Variants in STK32C observed in about 807,000 individuals in gnomAD.
STK32C encodes the protein serine/threonine-protein kinase 32C.
Under a neutral mutation model 56.5 loss-of-function variants are expected in STK32C, and 31 were observed. That is an observed-to-expected ratio of 0.55 (90% CI 0.41 to 0.74). STK32C has a LOEUF of 0.74. Among genes scored for constraint, STK32C ranks in the 30% least tolerant of loss-of-function variants. The pLI is 0.00. For synonymous variants in STK32C, 309 were observed against 289.4 expected (o/e 1.07, Z -0.69); for missense variants, 544 against 676.9 (o/e 0.80, Z 2.18).
intron 1 of STK32C, among the ~76,000 whole-genome samples, chr10:132,325,395 T>C (rs1203614302): frequency 6.6e-6 from 1 of 151,752 alleles, no homozygotes. Flanking sequence ...TACTAAAAAA[T>C]ACAAAAAATT....
At position 132,307,462 on chromosome 10, in the gene STK32C, C is replaced by T; in HGVS notation, c.262+110G>A. On this transcript the variant is annotated intron_variant, in intron 1 of 11. Coordinates refer to ENST00000298630, the MANE Select transcript of STK32C (RefSeq NM_173575.4). This position sits in a 1 kb window ranked among gnomAD's most constrained non-coding sequence, Gnocchi z 4.4. ...AGCTTCTCCGGAAGCCGGGGCGCCC[C>T]GGGAAGCCGTCCCGGACACCGGGGG... 2 of 1,255,582 alleles carry T rather than the reference C, an allele frequency of 1.6e-6. No homozygotes were observed. Among genetic ancestry groups the T allele is most frequent in the Non-Finnish European group, 2.1e-6 (2 of 966,402 alleles). 77.8% of individuals were successfully genotyped at this position (1,255,582 alleles called of 1,614,324 possible).
At chr10:132,273,479 G>A (rs1236584410) in intron 1 of STK32C, among the ~76,000 whole-genome samples, 1 of 150,788 alleles carries the variant, frequency 6.6e-6, no homozygotes, top group African/African-American at 2.4e-5. Flanking sequence ...TGAATGGTGA[G>A]TGAGTGAACG....
At chr10:132,216,850 G>A (rs1224784323) in intron 10 of STK32C, among the ~76,000 whole-genome samples, 2 of 152,228 alleles carry the variant, frequency 1.3e-5, no homozygotes, top group Non-Finnish European at 2.9e-5. Flanking sequence ...TGAGGTTTGG[G>A]AGCCTCTGCC....
rs571209878 is a variant in STK32C at position 132,264,819 on chromosome 10, G to A, written c.263-18864C>T. 1.3e-4 allele frequency among the ~76,000 whole-genome samples: 20 copies of A among 152,330 alleles called. No individual in the cohort carries two copies. In the East Asian group the frequency reaches 3.7e-3, roughly 28 times the overall value. On this transcript the variant is annotated intron_variant, in intron 1 of 11. Coordinates refer to ENST00000298630, the MANE Select transcript of STK32C (RefSeq NM_173575.4). ...GGTGGGAGGTGGGGGCGGGACAGTC[G>A]CTCATGGCAGTTTTCCTTGATGGAA... is the stretch of plus-strand genomic sequence containing the variant.
intron 1 of STK32C, among the ~76,000 whole-genome samples, chr10:132,267,898 CGTGT>C (rs111617099): frequency 1.1e-4 from 14 of 129,432 alleles, no homozygotes; most frequent in Non-Finnish European, 2.1e-4. Flanking sequence ...TGTCCCACAT[CGTGT>C]GTGTGTGTGT....
chr10:132,209,013 A>G (rs375956893), intron 11 of STK32C, 21 bp downstream of exon 11: 417 of 1,313,638 alleles, frequency 3.2e-4, no homozygotes, highest in Non-Finnish European at 4.3e-4. Context: ...CACCACGCCC[A>G]CCCACCCCCA....
chr10:132,327,959 C>G (rs2066532226), intron 1 of STK32C, among the ~76,000 whole-genome samples: 1 of 152,010 alleles, frequency 6.6e-6, no homozygotes, highest in African/African-American at 2.4e-5. Context: ...CAGAAAGTGC[C>G]TGAGAGTAGT....
chr10:132,232,483 T>C (rs2063138463), intron 2 of STK32C, among the ~76,000 whole-genome samples: 1 of 151,744 alleles, frequency 6.6e-6, no homozygotes, highest in African/African-American at 2.4e-5. Flanking sequence ...CGCAGAGCAG[T>C]GTTTACAAAA....
At chr10:132,266,761 C>G (rs537403560) in intron 1 of STK32C, among the ~76,000 whole-genome samples, 2 of 151,592 alleles carry the variant, frequency 1.3e-5, no homozygotes, top group East Asian at 3.9e-4. Flanking sequence ...AGGAGTGGAT[C>G]ACAAATGCTC....
intron 2 of STK32C, among the ~76,000 whole-genome samples, chr10:132,236,011 T>A (rs1349181064): frequency 1.3e-5 from 2 of 152,284 alleles, no homozygotes; most frequent in East Asian, 3.9e-4. Context: ...TGTAACAGGA[T>A]TGGTGTCGCG....
intron 1 of STK32C, among the ~76,000 whole-genome samples, chr10:132,297,461 G>A (rs561829677): frequency 9.8e-5 from 15 of 152,338 alleles, no homozygotes; most frequent in Non-Finnish European, 1.3e-4. Flanking sequence ...GCTGGGCCAC[G>A]CACTCTGGGG....
chr10:132,293,123 C>A (rs2492649), intron 1 of STK32C, among the ~76,000 whole-genome samples: 2 of 152,196 alleles, frequency 1.3e-5, no homozygotes, highest in Non-Finnish European at 2.9e-5. Context: ...CGCGTGCATG[C>A]GTGCGGGGAG....
chr10:132,235,991 A>T (rs1438995932), intron 2 of STK32C, among the ~76,000 whole-genome samples: 1 of 152,210 alleles, frequency 6.6e-6, no homozygotes, highest in East Asian at 1.9e-4. Flanking sequence ...GAGGTGGCGA[A>T]GGTTGTGGCT....
intron 2 of STK32C, among the ~76,000 whole-genome samples, chr10:132,237,364 G>A (rs546983417): frequency 1.2e-4 from 18 of 152,348 alleles, no homozygotes; most frequent in Middle Eastern, 3.4e-3. Context: ...CACGCCTGTC[G>A]AGGGAAGAAA....
intron 1 of STK32C, among the ~76,000 whole-genome samples, chr10:132,260,120 T>C (rs1041147662): frequency 1.3e-5 from 2 of 151,340 alleles, no homozygotes; most frequent in Non-Finnish European, 2.9e-5. Context: ...GAGGGTCACC[T>C]GGCTCAGGGA....
In STK32C at chr10:132,327,481, T is replaced by A. The variant is rs201851801; in HGVS notation, c.302-3108A>T. On this transcript the variant is annotated intron_variant, in intron 1 of 1. Transcript: ENST00000368619. ...ATAGGTAATTTTTATTTAAAACAAATTTTTTTTTTTTTGAGACAGGGTCTT... is the reference window on the plus strand; with the variant it reads ...ATAGGTAATTTTTATTTAAAACAAAATTTTTTTTTTTTGAGACAGGGTCTT... Among the ~76,000 whole-genome samples the A allele has an allele frequency of 7.3e-4, 106 of 145,316 alleles. 1 individual carries two copies. The East Asian group carries it at 0.015, about 21-fold the overall frequency.
intron 1 of STK32C, among the ~76,000 whole-genome samples, chr10:132,282,040 G>A (rs1054841914): frequency 6.6e-6 from 1 of 152,244 alleles, no homozygotes; most frequent in Non-Finnish European, 1.5e-5. Flanking sequence ...CCGGCCTGGA[G>A]GCAGAGCCGC....
At chr10:132,277,266 G>C (rs12773522) in intron 1 of STK32C, among the ~76,000 whole-genome samples, 36 of 152,154 alleles carry the variant, frequency 2.4e-4, no homozygotes, top group African/African-American at 8.0e-4. Context: ...AGCCGCTGGA[G>C]AGAGAGCCAG....
chr10:132,259,414 T>TC (rs2064232949), intron 1 of STK32C, among the ~76,000 whole-genome samples: 2 of 151,884 alleles, frequency 1.3e-5, no homozygotes, highest in South Asian at 4.2e-4. Context: ...GGGGCGGAGA[T>TC]CCCCCTTGCT....
Sources: allele counts gnomAD v4.1 joint callset (sites outside exome capture counted in the v4.1 genomes callset), GRCh38; gene constraint gnomAD v4.1.1; non-coding constraint Gnocchi (gnomAD v3.1); transcripts MANE v1.5; gene names NCBI Gene and HGNC (gene_info 2026-07-23, HGNC 2026-07-21).